The following FGF13 variants were observed in gnomAD, a reference collection of about 807,000 sequenced individuals.
FGF13 encodes fibroblast growth factor homologous factor 2.
FGF13 carries 2 observed loss-of-function variants against 19.5 expected under a neutral mutation model. The ratio of observed to expected loss-of-function variants is 0.10; its 90% CI spans 0.04 to 0.32. The LOEUF (loss-of-function observed/expected upper bound fraction) is 0.32. Ranked by LOEUF, FGF13 falls within the 10% of genes least tolerant of loss-of-function variation. FGF13 has a pLI of 1.00. For missense variants in FGF13, 113 were observed against 192.7 expected (o/e 0.59, Z 2.45); for synonymous variants, 72 against 76.9 (o/e 0.94, Z 0.33).
At chrX:138,759,929 A>G (rs2090455361) in intron 3 of FGF13, among the ~76,000 whole-genome samples, 1 of 111,699 alleles carries the variant, frequency 9.0e-6, no homozygotes, top group Non-Finnish European at 1.9e-5. Flanking sequence ...CCTAACGATT[A>G]GCACCAGTGA....
intron 3 of FGF13, among the ~76,000 whole-genome samples, chrX:138,792,975 TA>T (rs2090753330): frequency 8.9e-6 from 1 of 111,753 alleles, no homozygotes; most frequent in African/African-American, 3.3e-5. Flanking sequence ...GATTATCTGA[TA>T]GGCTCTAAAT....
intron 3 of FGF13, among the ~76,000 whole-genome samples, chrX:138,784,436 T>C (rs1285162200): frequency 9.0e-6 from 1 of 110,583 alleles, no homozygotes; most frequent in Non-Finnish European, 1.9e-5. Flanking sequence ...TCCATTGAAA[T>C]GGCTCATGTT....
At chrX:138,673,733 T>C (rs2089637403) in intron 3 of FGF13, among the ~76,000 whole-genome samples, 1 of 110,432 alleles carries the variant, frequency 9.1e-6, no homozygotes, top group African/African-American at 3.3e-5. Flanking sequence ...TACGAAGACA[T>C]GAGAGAGAGA....
At chrX:139,204,138 A>C (rs1340270047), upstream of FGF13, 2 of 1,185,896 alleles carry the variant, frequency 1.7e-6, no homozygotes, top group Non-Finnish European at 2.3e-6. Flanking sequence ...AGGTTCGCTC[A>C]GAAGACGGAA....
chrX:138,776,952 G>T lies in FGF13; in HGVS notation c.218-68024C>A, dbSNP rs55956321. ...GGAATAATGCAAGCAACAACTAGAGGAAAACTCTGTAAGGTGGTAAAAGGC... is the reference window on the plus strand; with the variant it reads ...GGAATAATGCAAGCAACAACTAGAGTAAAACTCTGTAAGGTGGTAAAAGGC... On this transcript the variant is annotated intron_variant, in intron 3 of 6. Coordinates refer to the FGF13 transcript ENST00000436198. Among the ~76,000 whole-genome samples, 1,038 of 111,680 alleles carry T rather than the reference G, an allele frequency of 9.3e-3. 8 individuals carry two copies. The highest frequency in any genetic ancestry group is 0.015 in the Non-Finnish European group (793 of 53,135).
chrX:138,820,460 G>C (rs1313156173), intron 3 of FGF13, among the ~76,000 whole-genome samples: 1 of 111,850 alleles, frequency 8.9e-6, no homozygotes, highest in Non-Finnish European at 1.9e-5. Context: ...TTTGGGTTTG[G>C]GGTCATTAAG....
chrX:139,169,180 AG>A (rs1454693000), intron 1 of FGF13, among the ~76,000 whole-genome samples: 1 of 112,214 alleles, frequency 8.9e-6, no homozygotes, highest in African/African-American at 3.2e-5. Flanking sequence ...ACACCTCATA[AG>A]GGTTGAGCAG....
At chrX:138,761,347 A>G (rs2090464752) in intron 3 of FGF13, among the ~76,000 whole-genome samples, 1 of 111,261 alleles carries the variant, frequency 9.0e-6, no homozygotes, top group Non-Finnish European at 1.9e-5. Flanking sequence ...TCATTACTAT[A>G]CTCAGTCAAC....
chrX:138,932,699 G>A (rs1407069726), intron 1 of FGF13, among the ~76,000 whole-genome samples: 3 of 70,249 alleles, frequency 4.3e-5, no homozygotes, highest in Non-Finnish European at 7.9e-5. Flanking sequence ...CATGTCAGGA[G>A]TGTAGTGTGT....
intron 1 of FGF13, among the ~76,000 whole-genome samples, chrX:138,889,922 C>A (rs190318121): frequency 9.4e-6 from 1 of 106,683 alleles, no homozygotes; most frequent in East Asian, 3.0e-4. Context: ...CCCAACCTCT[C>A]CCTTTTGAAC....
intron 3 of FGF13, among the ~76,000 whole-genome samples, chrX:138,811,883 C>T (rs2090928321): frequency 9.0e-6 from 1 of 110,785 alleles, no homozygotes; most frequent in Non-Finnish European, 1.9e-5. Flanking sequence ...ATCCCCAATC[C>T]AATCCATCAT....
intron 1 of FGF13, among the ~76,000 whole-genome samples, chrX:138,938,119 C>A (rs2091740992): frequency 1.8e-5 from 2 of 111,320 alleles, no homozygotes; most frequent in Admixed American, 1.9e-4. Context: ...TAGTGTAGTT[C>A]AGAATAGAAT....
chrX:139,187,560 A>G (rs2084291900), intron 1 of FGF13, among the ~76,000 whole-genome samples: 2 of 111,874 alleles, frequency 1.8e-5, no homozygotes, highest in African/African-American at 6.5e-5. Flanking sequence ...GGAGTCCACA[A>G]TTAACAAAAC....
intron 3 of FGF13, among the ~76,000 whole-genome samples, chrX:138,776,490 G>T (rs1474246907): frequency 8.9e-6 from 1 of 111,803 alleles, no homozygotes; most frequent in African/African-American, 3.3e-5. Context: ...TTTCCATTTT[G>T]TGGGAAACTG....
At chrX:138,823,465 T>G (rs1009000032) in intron 3 of FGF13, among the ~76,000 whole-genome samples, 1 of 111,077 alleles carries the variant, frequency 9.0e-6, no homozygotes, top group Non-Finnish European at 1.9e-5. Context: ...TTTCCCCTTT[T>G]TTTTCCTTTT....
intron 1 of FGF13, among the ~76,000 whole-genome samples, chrX:138,921,711 C>T (rs745621027): frequency 7.2e-5 from 8 of 111,036 alleles, no homozygotes; most frequent in Non-Finnish European, 1.5e-4. Flanking sequence ...TGCACAGAGG[C>T]GTGAGAACAG....
At chrX:138,692,096 A>G (rs2089843728) in intron 3 of FGF13, among the ~76,000 whole-genome samples, 1 of 111,520 alleles carries the variant, frequency 9.0e-6, no homozygotes, top group Non-Finnish European at 1.9e-5. Flanking sequence ...GTAATTTTGA[A>G]ATGTTAACAC....
At chrX:139,130,552 C>T (rs924805037) in intron 1 of FGF13, among the ~76,000 whole-genome samples, 1 of 111,782 alleles carries the variant, frequency 8.9e-6, no homozygotes, top group Non-Finnish European at 1.9e-5. Context: ...TGGAGTGTAT[C>T]CCCAGTACCT....
At chrX:138,856,831 C>G (rs1423096504), downstream of FGF13, among the ~76,000 whole-genome samples, 4 of 111,686 alleles carry the variant, frequency 3.6e-5, no homozygotes, top group Admixed American at 3.8e-4. Flanking sequence ...CATTTCTGGC[C>G]AGATGAAATA....
Sources: allele counts gnomAD v4.1 joint callset (sites outside exome capture counted in the v4.1 genomes callset), GRCh38; gene constraint gnomAD v4.1.1; transcripts MANE v1.5; gene names NCBI Gene and HGNC (gene_info 2026-07-23, HGNC 2026-07-21).